EPHA4: variants seen among roughly 807,000 people sequenced by gnomAD.
The protein encoded by EPHA4 is ephrin type-A receptor 4.
A neutral mutation model predicts 108.3 loss-of-function variants in EPHA4; 19 were observed. That is an observed-to-expected ratio of 0.18 (90% CI 0.12 to 0.26). The LOEUF (loss-of-function observed/expected upper bound fraction) is 0.26, where lower values mean the gene tolerates loss of function less well. EPHA4 is among the 10% of genes least tolerant of loss of function. EPHA4 has a pLI of 1.00. For synonymous variants in EPHA4, 449 were observed against 455.5 expected (o/e 0.99, Z 0.18); for missense variants, 917 against 1,254.0 (o/e 0.73, Z 4.06).
intron 5 of EPHA4, among the ~76,000 whole-genome samples, chr2:221,461,511 GA>G (rs903838242): frequency 6.6e-6 from 1 of 151,970 alleles, no homozygotes; most frequent in Non-Finnish European, 1.5e-5. Context: ...AGACCAAGTG[GA>G]AAAAAAGATT....
At chr2:221,431,452 T>C (rs1690072757) in intron 14 of EPHA4, among the ~76,000 whole-genome samples, 1 of 152,228 alleles carries the variant, frequency 6.6e-6, no homozygotes, top group African/African-American at 2.4e-5. Flanking sequence ...TAACAAATCA[T>C]CTTGTGATTT....
chr2:221,434,823 A>G (rs1312462131), intron 13 of EPHA4, among the ~76,000 whole-genome samples: 1 of 152,216 alleles, frequency 6.6e-6, no homozygotes, highest in Non-Finnish European at 1.5e-5. Context: ...CCTTTAGAGA[A>G]AGCCAAATAA....
chr2:221,557,005 C>G (rs10932919), intron 3 of EPHA4, among the ~76,000 whole-genome samples: 4 of 152,060 alleles, frequency 2.6e-5, no homozygotes, highest in Admixed American at 2.0e-4. Flanking sequence ...CTTCTGTATT[C>G]AACTTAATAA....
At chr2:221,528,998 C>CA (rs1559280760) in intron 3 of EPHA4, among the ~76,000 whole-genome samples, 1 of 151,872 alleles carries the variant, frequency 6.6e-6, no homozygotes, top group Non-Finnish European at 1.5e-5. Flanking sequence ...ACAACAACAA[C>CA]AAAAAACTAC....
chr2:221,544,901 G>C (rs925540663), intron 3 of EPHA4, among the ~76,000 whole-genome samples: 10 of 152,156 alleles, frequency 6.6e-5, no homozygotes, highest in African/African-American at 2.2e-4. Flanking sequence ...AGGACAGAGT[G>C]AGAAGGCAGC....
chr2:221,451,238 C>T (rs12476016), intron 8 of EPHA4, among the ~76,000 whole-genome samples: 21,027 of 152,144 alleles, frequency 0.14, 1,891 homozygotes, highest in Non-Finnish European at 0.2. Context: ...TACGGTAATA[C>T]TGTTTTGGAA....
chr2:221,424,962 C>A, intron 17 of EPHA4, among the ~76,000 whole-genome samples: 1 of 150,100 alleles, frequency 6.7e-6, no homozygotes, highest in East Asian at 1.9e-4. Flanking sequence ...CATCTAGGAC[C>A]ATCCCTCAGA....
Position 221,436,737 on chromosome 2 carries a change from G to A in EPHA4, c.2137-129C>T, listed in dbSNP as rs190984931. The A allele has an allele frequency of 1.5e-5, 15 of 1,013,890 alleles. No homozygotes were observed. The African/African-American group carries it at 2.2e-4, about 15-fold the overall frequency. The allele number at this position is 1,013,890 out of a possible 1,614,324, so 62.8% of individuals were successfully genotyped here. ...GCAATGAAACTCAACATTATTTCCA[G>A]GCCTTTCTGACCAAAGTCGCTAATT... On this transcript the variant is annotated intron_variant, in intron 12 of 17. Transcript: ENST00000281821.
intron 4 of EPHA4, among the ~76,000 whole-genome samples, chr2:221,493,367 AATT>A (rs1451895209): frequency 6.6e-6 from 1 of 152,128 alleles, no homozygotes. Flanking sequence ...TGGGGTAGAG[AATT>A]GAACAGAATA....
chr2:221,494,588 C>T (rs545764489), intron 4 of EPHA4, among the ~76,000 whole-genome samples: 1 of 152,262 alleles, frequency 6.6e-6, no homozygotes, highest in South Asian at 2.1e-4. Flanking sequence ...GCCTGGGCAA[C>T]ACAGTGAGAC....
chr2:221,469,971 G>C lies in EPHA4; in HGVS notation c.1319-11981C>G, dbSNP rs552978863. ...ATAAATTGAAGATAGATGCTCTTTA[G>C]CATTGTTACCAGCCACTGTCCTTTA... On this transcript the variant is annotated intron_variant, in intron 5 of 17. Transcript: ENST00000281821. Among the ~76,000 whole-genome samples, 5 of 152,228 alleles carry C rather than the reference G, an allele frequency of 3.3e-5. 1 individual carries two copies. Among genetic ancestry groups the C allele is most frequent in the Admixed American group, 2.6e-4 (4 of 15,286 alleles).
rs542323249 is a variant in EPHA4 at position 221,568,590 on chromosome 2, C to T, written c.159+128G>A. 1.9e-5 allele frequency: 12 copies of T among 643,230 alleles called. No individual in the cohort carries two copies. In the East Asian group the frequency reaches 2.6e-4, roughly 14 times the overall value. The allele number at this position is 643,230 out of a possible 1,614,324, so 39.8% of individuals were successfully genotyped here. On this transcript the variant is annotated intron_variant, in intron 2 of 17. Coordinates refer to ENST00000281821, the MANE Select transcript of EPHA4 (RefSeq NM_004438.5). Reference sequence around the variant, plus strand: ...GATTTCTCCAACAAAGCGTAATTCACTTCATAGGCCACAGCGGAAATCTGA... The same window carrying T: ...GATTTCTCCAACAAAGCGTAATTCATTTCATAGGCCACAGCGGAAATCTGA...
chr2:221,434,705 G>C (rs1239904144), intron 13 of EPHA4, among the ~76,000 whole-genome samples: 2 of 152,142 alleles, frequency 1.3e-5, no homozygotes, highest in Admixed American at 1.3e-4. Context: ...CAAAAATCAT[G>C]AATGAAGGAA....
Position 221,486,738 on chromosome 2 carries a change from T to TAATAATAAG in EPHA4, c.980-4049_980-4048insCTTATTATT, listed in dbSNP as rs780829948. Among the ~76,000 whole-genome samples, 443 of 133,586 alleles carry TAATAATAAG rather than the reference T, an allele frequency of 3.3e-3. 2 individuals are homozygous for TAATAATAAG. The highest frequency in any genetic ancestry group is 0.012 in the African/African-American group (423 of 34,344). The allele number at this position is 133,586 out of a possible 152,430, so 87.6% of individuals were successfully genotyped here. ...AACAGAGTGAGACTCTGTCTCAAAATAATAATAATAATAATAATAATAATA... is the reference window on the plus strand; with the variant it reads ...AACAGAGTGAGACTCTGTCTCAAAATAATAATAAGAATAATAATAATAATAATAATAATA... On this transcript the variant is annotated intron_variant, in intron 4 of 17. Coordinates refer to ENST00000281821, the MANE Select transcript of EPHA4 (RefSeq NM_004438.5).
chr2:221,547,596 C>T (rs1315026081), intron 3 of EPHA4, among the ~76,000 whole-genome samples: 1 of 152,138 alleles, frequency 6.6e-6, no homozygotes. Flanking sequence ...CAAGGGCCAC[C>T]CATTGGCAGG....
At chr2:221,479,469 T>C (rs1691755178) in intron 5 of EPHA4, among the ~76,000 whole-genome samples, 1 of 152,230 alleles carries the variant, frequency 6.6e-6, no homozygotes, top group African/African-American at 2.4e-5. Context: ...AGGTGCTAAA[T>C]GCTAACGTTC....
chr2:221,490,259 A>G lies in EPHA4; in HGVS notation c.980-7569T>C, dbSNP rs555777980. On this transcript the variant is annotated intron_variant, in intron 4 of 17. Transcript: ENST00000281821. Reference sequence around the variant, plus strand: ...AAATGGCAATCACATGCTAAAATGTAAAAAAAAAAAAAGAAAAGAAAGAAA... The same window carrying G: ...AAATGGCAATCACATGCTAAAATGTGAAAAAAAAAAAAGAAAAGAAAGAAA... Among the ~76,000 whole-genome samples the G allele has an allele frequency of 7.5e-4, 99 of 132,110 alleles. 1 individual carries two copies. Among genetic ancestry groups the G allele is most frequent in the South Asian group, 2.6e-3 (12 of 4,560 alleles). The allele number at this position is 132,110 out of a possible 152,430, so 86.7% of individuals were successfully genotyped here.
chr2:221,489,152 T>C (rs1692065550), intron 4 of EPHA4, among the ~76,000 whole-genome samples: 2 of 152,232 alleles, frequency 1.3e-5, no homozygotes, highest in South Asian at 2.1e-4. Context: ...CTATGTACTC[T>C]ACCTCACACC....
intron 4 of EPHA4, 80 bp downstream of exon 4, chr2:221,500,937 G>C: frequency 7.1e-7 from 1 of 1,408,324 alleles, no homozygotes; most frequent in Admixed American, 2.4e-5. Context: ...ATTATCCCAG[G>C]AGAAGACCTG....
Sources: allele counts gnomAD v4.1 joint callset (sites outside exome capture counted in the v4.1 genomes callset), GRCh38; gene constraint gnomAD v4.1.1; transcripts MANE v1.5; gene names NCBI Gene and HGNC (gene_info 2026-07-23, HGNC 2026-07-21).